Variants in PAX5 observed in about 807,000 individuals in gnomAD.
PAX5 encodes paired box protein Pax-5.
PAX5 carries 9 observed loss-of-function variants against 43.7 expected under a neutral mutation model. That is an observed-to-expected ratio of 0.21 (90% confidence interval 0.12 to 0.36). The LOEUF (loss-of-function observed/expected upper bound fraction) is 0.36. Among genes scored for constraint, PAX5 ranks in the 10% least tolerant of loss-of-function variants. PAX5 has a pLI of 1.00. For missense variants in PAX5, 383 were observed against 532.7 expected, an observed-to-expected ratio of 0.72 and a Z score of 2.77; for synonymous variants, 228 against 214.3, an observed-to-expected ratio of 1.06 and a Z score of -0.56.
At chr9:36,854,312 A>G (rs2131619048) in intron 8 of PAX5, among the ~76,000 whole-genome samples, 1 of 152,344 alleles carries the variant, frequency 6.6e-6, no homozygotes, top group Non-Finnish European at 1.5e-5. Flanking sequence ...CTTTCATAAT[A>G]CACATGTATA....
At chr9:36,956,486 A>C (rs1023617969) in intron 6 of PAX5, among the ~76,000 whole-genome samples, 1 of 152,186 alleles carries the variant, frequency 6.6e-6, no homozygotes, top group African/African-American at 2.4e-5. Flanking sequence ...CTCCCACCCT[A>C]AATGCAAAAA....
intron 5 of PAX5, among the ~76,000 whole-genome samples, chr9:36,996,674 A>T (rs945709795): frequency 6.6e-6 from 1 of 152,168 alleles, no homozygotes; most frequent in Non-Finnish European, 1.5e-5. Context: ...AAAGACCAGG[A>T]CCTGCCCATG....
intron 5 of PAX5, among the ~76,000 whole-genome samples, chr9:36,975,704 G>C (rs1835368176): frequency 1.3e-5 from 2 of 152,116 alleles, no homozygotes; most frequent in African/African-American, 4.8e-5. Flanking sequence ...TTCTTTAACT[G>C]CTCTAATCCT....
chr9:36,864,989 CG>C (rs1382240841), intron 8 of PAX5, among the ~76,000 whole-genome samples: 1 of 152,198 alleles, frequency 6.6e-6, no homozygotes, highest in Non-Finnish European at 1.5e-5. Context: ...AGAGAGGCAC[CG>C]CGGCCTTCCC....
chr9:36,853,958 C>T (rs568486013), intron 8 of PAX5, among the ~76,000 whole-genome samples: 5 of 152,358 alleles, frequency 3.3e-5, no homozygotes, highest in African/African-American at 1.2e-4. Flanking sequence ...ATTTGCAGAG[C>T]GCACTGGGGG....
Position 37,034,244 on chromosome 9 carries a change from G to C in PAX5, c.-213C>G. ...TTTAGGTGGAAAAAAAGCGTCCGAA[G>C]GCACCGTGAAATGATTAAGGAACTA... On this transcript the variant is annotated 5_prime_UTR_variant, in exon 1 of 10. Coordinates refer to ENST00000358127, the MANE Select transcript of PAX5 (RefSeq NM_016734.3). 1.8e-6 allele frequency: 1 copy of C among 562,292 alleles called. No individual in the cohort carries two copies. The highest frequency in any genetic ancestry group is 3.1e-6 in the Non-Finnish European group (1 of 320,138). The allele number at this position is 562,292 out of a possible 1,614,324, so 34.8% of individuals were successfully genotyped here.
intron 6 of PAX5, among the ~76,000 whole-genome samples, chr9:36,934,088 G>C (rs1002983349): frequency 4.6e-5 from 7 of 152,254 alleles, no homozygotes; most frequent in African/African-American, 1.7e-4. Flanking sequence ...ACAGCAACCA[G>C]GGGAGGCAGC....
At chr9:37,025,608 C>T in intron 1 of PAX5, among the ~76,000 whole-genome samples, 1 of 152,332 alleles carries the variant, frequency 6.6e-6, no homozygotes, top group South Asian at 2.1e-4. Flanking sequence ...TTGGAATTTC[C>T]TTGAAATCTC....
intron 6 of PAX5, among the ~76,000 whole-genome samples, chr9:36,957,724 G>C (rs749703421): frequency 4.6e-5 from 7 of 152,148 alleles, no homozygotes; most frequent in Non-Finnish European, 1.0e-4. Flanking sequence ...TAATTGGGAA[G>C]TCCTGAACAA....
intron 6 of PAX5, among the ~76,000 whole-genome samples, chr9:36,944,191 T>TA (rs1265264403): frequency 6.6e-6 from 1 of 151,692 alleles, no homozygotes; most frequent in African/African-American, 2.4e-5. Flanking sequence ...CTCAAAAAAA[T>TA]AAAAGCTGAT....
At chr9:37,001,257 C>T (rs891235366) in intron 5 of PAX5, among the ~76,000 whole-genome samples, 2 of 152,218 alleles carry the variant, frequency 1.3e-5, no homozygotes, top group South Asian at 4.1e-4. Flanking sequence ...ACTAGCTTTT[C>T]TCTTTCCCCA....
chr9:36,906,060 G>A (rs892601015), intron 7 of PAX5, among the ~76,000 whole-genome samples: 3 of 152,198 alleles, frequency 2.0e-5, no homozygotes, highest in African/African-American at 7.2e-5. Context: ...TGCCCTCACA[G>A]ATGATGGGTC....
rs1191935187 is a variant in PAX5, at chr9:37,015,777, A to G, written c.213-583T>C. Among the ~76,000 whole-genome samples the G allele has an allele frequency of 1.3e-5, 2 of 152,032 alleles. No homozygotes were observed. Among genetic ancestry groups the G allele is most frequent in the African/African-American group, 4.8e-5 (2 of 41,384 alleles). On this transcript the variant is annotated intron_variant, in intron 2 of 9. Coordinates refer to ENST00000358127, the MANE Select transcript of PAX5 (RefSeq NM_016734.3). This position sits in a 1 kb window ranked among gnomAD's most constrained non-coding sequence, Gnocchi z 4.4. ...TATTTTTAGTAGAGACGGGGGTTTC[A>G]CCATGTTAGTCAGGCTGGTCTCGAA...
intron 7 of PAX5, among the ~76,000 whole-genome samples, chr9:36,907,841 A>G (rs956459542): frequency 6.6e-6 from 1 of 152,214 alleles, no homozygotes; most frequent in African/African-American, 2.4e-5. Context: ...TACAGAATGG[A>G]TTAGGAATAG....
intron 8 of PAX5, among the ~76,000 whole-genome samples, chr9:36,870,473 C>CA (rs954301122): frequency 2.0e-5 from 3 of 152,146 alleles, no homozygotes; most frequent in African/African-American, 7.2e-5. Flanking sequence ...TTTAAAGGAA[C>CA]AAAATCTAAT....
chr9:36,973,120 GAAAGGAAAGGAAAGA>G (rs1278217482), intron 5 of PAX5, among the ~76,000 whole-genome samples: 1,429 of 85,834 alleles, frequency 0.017, 49 homozygotes, highest in African/African-American at 0.073. Flanking sequence ...GAAAGGAAAG[GAAAGGAAAGGAAAGA>G]AAAGGAAAGG....
intron 6 of PAX5, among the ~76,000 whole-genome samples, chr9:36,948,262 G>C (rs1004103316): frequency 6.6e-6 from 1 of 152,192 alleles, no homozygotes; most frequent in Non-Finnish European, 1.5e-5. Context: ...GGTGCAGCCC[G>C]ACCATAAGTG....
intron 7 of PAX5, among the ~76,000 whole-genome samples, chr9:36,913,667 G>T (rs1166466269): frequency 6.6e-6 from 1 of 152,204 alleles, no homozygotes; most frequent in Non-Finnish European, 1.5e-5. Context: ...GGTAGAGCAG[G>T]TGTTTAACTT....
At chr9:37,027,199 G>T (rs1197122647) in intron 1 of PAX5, among the ~76,000 whole-genome samples, 1 of 152,182 alleles carries the variant, frequency 6.6e-6, no homozygotes, top group Non-Finnish European at 1.5e-5. Flanking sequence ...CTTCCTCTCC[G>T]GCAGCGCGGG....
Sources: gnomAD v4.1 joint callset for allele counts (sites outside exome capture counted in the v4.1 genomes callset) on GRCh38, gnomAD v4.1.1 for gene constraint, Gnocchi (gnomAD v3.1) non-coding constraint, MANE v1.5 for transcripts, NCBI Gene and HGNC (gene_info 2026-07-23, HGNC 2026-07-21) for gene names.